Variants in CDH13 observed in about 807,000 individuals in gnomAD.
CDH13 encodes the protein cadherin-13.
Under a neutral mutation model 63.8 loss-of-function variants are expected in CDH13, and 24 were observed. The observed-to-expected ratio is 0.38, with a 90% CI of 0.27 to 0.53. The LOEUF (loss-of-function observed/expected upper bound fraction) is 0.53. Ranked by LOEUF, CDH13 falls within the 20% of genes least tolerant of loss-of-function variation. CDH13 has a pLI of 0.85. For synonymous variants in CDH13, 503 were observed against 355.3 expected, an observed-to-expected ratio of 1.42 and a Z score of -4.67; for missense variants, 1,049 against 903.1, an observed-to-expected ratio of 1.16 and a Z score of -2.07.
At chr16:83,440,624 A>G (rs1443166254) in intron 6 of CDH13, among the ~76,000 whole-genome samples, 1 of 151,996 alleles carries the variant, frequency 6.6e-6, no homozygotes, top group Non-Finnish European at 1.5e-5. Flanking sequence ...ATCTCTACTA[A>G]AAATACAAAA....
At chr16:83,720,180 TACAC>T (rs375408617) in intron 10 of CDH13, among the ~76,000 whole-genome samples, 4 of 150,942 alleles carry the variant, frequency 2.7e-5, no homozygotes, top group African/African-American at 4.9e-5. Context: ...AGTACATACG[TACAC>T]ACACACACAC....
At chr16:83,184,720 A>G (rs1327215873) in intron 4 of CDH13, among the ~76,000 whole-genome samples, 1 of 152,108 alleles carries the variant, frequency 6.6e-6, no homozygotes, top group African/African-American at 2.4e-5. Flanking sequence ...ATGCCATTGC[A>G]CTCCAGCCTG....
intron 2 of CDH13, among the ~76,000 whole-genome samples, chr16:82,896,537 C>T (rs142712022): frequency 0.022 from 3,271 of 151,764 alleles, 116 homozygotes; most frequent in African/African-American, 0.074. Context: ...CTCAAGCAAT[C>T]CGCCTGCCTT....
chr16:83,302,824 T>TA (rs2089781166), intron 5 of CDH13, among the ~76,000 whole-genome samples: 1 of 152,206 alleles, frequency 6.6e-6, no homozygotes, highest in Non-Finnish European at 1.5e-5. Flanking sequence ...TGAGGTTGCT[T>TA]TAGCTTCATG....
At chr16:83,050,433 C>G (rs2030182106) in intron 3 of CDH13, among the ~76,000 whole-genome samples, 1 of 152,132 alleles carries the variant, frequency 6.6e-6, no homozygotes, top group Non-Finnish European at 1.5e-5. Context: ...CCTTGAAATG[C>G]TCTTCCGTTT....
chr16:83,213,938 CT>C (rs1243933954), intron 4 of CDH13, among the ~76,000 whole-genome samples: 1 of 152,088 alleles, frequency 6.6e-6, no homozygotes, highest in Non-Finnish European at 1.5e-5. Flanking sequence ...AATCTGCACT[CT>C]GTGGCTCGCT....
At chr16:83,687,253 C>T (rs188842313) in intron 10 of CDH13, among the ~76,000 whole-genome samples, 2 of 152,204 alleles carry the variant, frequency 1.3e-5, no homozygotes, top group Admixed American at 1.3e-4. Context: ...AGTCCATTCT[C>T]AAATTGCTAC....
At chr16:83,586,533 T>C (rs1383866360) in intron 7 of CDH13, among the ~76,000 whole-genome samples, 2 of 152,236 alleles carry the variant, frequency 1.3e-5, no homozygotes, top group African/African-American at 4.8e-5. Context: ...AGACCAAATG[T>C]TAAGTCGTAA....
At chr16:83,549,105 G>A (rs549818480) in intron 7 of CDH13, among the ~76,000 whole-genome samples, 30 of 152,284 alleles carry the variant, frequency 2.0e-4, no homozygotes, top group African/African-American at 7.2e-4. Context: ...CAGGTGACCT[G>A]GTGAGAGCCA....
chr16:83,570,618 ACAG>A (rs1343971686), intron 7 of CDH13, among the ~76,000 whole-genome samples: 3 of 151,434 alleles, frequency 2.0e-5, no homozygotes, highest in African/African-American at 4.9e-5. Context: ...GGGGAGCTCA[ACAG>A]CAGGAGACAA....
intron 2 of CDH13, among the ~76,000 whole-genome samples, chr16:83,013,928 T>A (rs1914413165): frequency 6.6e-6 from 1 of 152,132 alleles, no homozygotes; most frequent in Non-Finnish European, 1.5e-5. Context: ...AGCAGCTGTG[T>A]GATAACAGAA....
chr16:82,877,775 T>C (rs2040553274), intron 2 of CDH13, among the ~76,000 whole-genome samples: 1 of 147,844 alleles, frequency 6.8e-6, no homozygotes, highest in Admixed American at 6.8e-5. Context: ...TTACTTGCTT[T>C]ACACACAGCC....
chr16:82,707,656 T>C (rs1309143745), intron 1 of CDH13, among the ~76,000 whole-genome samples: 1 of 152,230 alleles, frequency 6.6e-6, no homozygotes, highest in Non-Finnish European at 1.5e-5. Flanking sequence ...CAGAATTAGC[T>C]CCAACATGGT....
intron 3 of CDH13, among the ~76,000 whole-genome samples, chr16:83,062,278 G>T (rs2031625104): frequency 6.6e-6 from 1 of 152,158 alleles, no homozygotes; most frequent in African/African-American, 2.4e-5. Context: ...TACCTCACTT[G>T]TGTGTGTTTT....
At position 83,138,739 on chromosome 16, in the gene CDH13, C is replaced by T. The variant is rs1017088746; in HGVS notation, c.483+13238C>T. 3.3e-5 allele frequency among the ~76,000 whole-genome samples: 5 copies of T among 152,194 alleles called. No individual in the cohort carries two copies. The South Asian group carries it at 6.2e-4, about 19-fold the overall frequency. On this transcript the variant is annotated intron_variant, in intron 4 of 13. Coordinates refer to ENST00000567109, the MANE Select transcript of CDH13 (RefSeq NM_001257.5). ...CATTTCAGGAAGTTTAGTCCTGTTACGCTGGGTAACACCTGAAGGCTGAGA... is the reference window on the plus strand; with the variant it reads ...CATTTCAGGAAGTTTAGTCCTGTTATGCTGGGTAACACCTGAAGGCTGAGA...
chr16:83,197,979 T>C (rs1015138621), intron 4 of CDH13, among the ~76,000 whole-genome samples: 2 of 152,196 alleles, frequency 1.3e-5, no homozygotes, highest in Non-Finnish European at 2.9e-5. Flanking sequence ...CATGTGCATC[T>C]ATAATTATTG....
intron 3 of CDH13, among the ~76,000 whole-genome samples, chr16:83,064,373 A>G (rs1301847979): frequency 6.6e-6 from 1 of 152,218 alleles, no homozygotes; most frequent in African/African-American, 2.4e-5. Flanking sequence ...TCTCAAAAAA[A>G]AGAAAGTTAT....
intron 7 of CDH13, among the ~76,000 whole-genome samples, chr16:83,495,853 AT>A (rs763634052): frequency 2.0e-5 from 3 of 152,168 alleles, no homozygotes; most frequent in Non-Finnish European, 4.4e-5. Flanking sequence ...GCAGGTACTT[AT>A]ATAACCATTA....
At chr16:82,812,345 C>G (rs1388378463) in intron 1 of CDH13, among the ~76,000 whole-genome samples, 1 of 152,098 alleles carries the variant, frequency 6.6e-6, no homozygotes, top group Non-Finnish European at 1.5e-5. Flanking sequence ...CTATTTGAAA[C>G]TTCCCCAAAG....
Sources: allele counts gnomAD v4.1 joint callset (sites outside exome capture counted in the v4.1 genomes callset), GRCh38; gene constraint gnomAD v4.1.1; transcripts MANE v1.5; gene names NCBI Gene and HGNC (gene_info 2026-07-23, HGNC 2026-07-21).